Variants in SBK1 observed in about 807,000 individuals in gnomAD.
SBK1 encodes SH3 domain binding kinase 1, also known as serine/threonine-protein kinase SBK1.
In SBK1, 11 loss-of-function variants were observed where a neutral mutation model predicts 24.4. The observed-to-expected ratio is 0.45, with a 90% confidence interval of 0.28 to 0.75. The LOEUF (loss-of-function observed/expected upper bound fraction) is 0.75. Among genes scored for constraint, SBK1 ranks in the 30% least tolerant of loss-of-function variants. The pLI, the probability that SBK1 is intolerant of heterozygous loss-of-function variation, is 0.12. For missense variants in SBK1, 467 were observed against 620.5 expected, an observed-to-expected ratio of 0.75 and a Z score of 2.63; for synonymous variants, 308 against 284.4, an observed-to-expected ratio of 1.08 and a Z score of -0.83.
chr16:28,302,671 G>A (rs965156641), intron 1 of SBK1, among the ~76,000 whole-genome samples: 3 of 152,164 alleles, frequency 2.0e-5, no homozygotes, highest in East Asian at 1.9e-4. Context: ...GATTGTACCC[G>A]GTAGGAATTT....
chr16:28,259,406 C>A lies in SBK1; in HGVS notation c.161C>A (p.Pro54His). Reference sequence around the variant, plus strand: ...GTCCTGGAGCTGCCTCCGGCCTGGCCCATGGGCTGCGGAGTCGATGATGTG... The same window carrying A: ...GTCCTGGAGCTGCCTCCGGCCTGGCACATGGGCTGCGGAGTCGATGATGTG... The change falls in exon 1 of 4, where the codon CCC becomes CAC. Residue 54 changes from proline to histidine, a missense_variant. Coordinates refer to the SBK1 transcript ENST00000671413. The surrounding 1 kb of genome is among the most constrained non-coding windows in gnomAD (Gnocchi z 6.0). 1 of 984,088 alleles carries A rather than the reference C, an allele frequency of 1.0e-6. No individual in the cohort carries two copies. Among genetic ancestry groups the A allele is most frequent in the Non-Finnish European group, 1.2e-6 (1 of 828,700 alleles). The allele number at this position is 984,088 out of a possible 1,614,324, so 61.0% of individuals were successfully genotyped here.
Position 28,319,269 on chromosome 16 carries a change from C to A in SBK1, c.429+72C>A. 1.7e-6 allele frequency: 2 copies of A among 1,177,394 alleles called. No individual in the cohort carries two copies. The highest frequency in any genetic ancestry group is 2.5e-6 in the Non-Finnish European group (2 of 792,970). The allele number at this position is 1,177,394 out of a possible 1,614,324, so 72.9% of individuals were successfully genotyped here. A position where few individuals can be genotyped will look rare whatever the true frequency, so the allele number is the denominator to read the frequency against. On this transcript the variant is annotated intron_variant, in intron 3 of 3. Coordinates refer to ENST00000341901, the MANE Select transcript of SBK1 (RefSeq NM_001024401.3). This position sits in a 1 kb window ranked among gnomAD's most constrained non-coding sequence, Gnocchi z 4.0. The stretch of plus-strand genomic sequence containing the variant: ...CAGAGTGTGAGAGTGGGAGTGGAGT[C>A]AGACCATTTAATTAACAAGTATTTA...
chr16:28,282,891 T>G (rs1474330038), intron 1 of SBK1, among the ~76,000 whole-genome samples: 1 of 150,862 alleles, frequency 6.6e-6, no homozygotes, highest in East Asian at 1.9e-4. Flanking sequence ...GAGACGGTGT[T>G]TAATTACTCT....
intron 1 of SBK1, among the ~76,000 whole-genome samples, chr16:28,263,553 C>T (rs566564508): frequency 6.6e-6 from 1 of 152,264 alleles, no homozygotes; most frequent in South Asian, 2.1e-4. Flanking sequence ...ATGATGGGGA[C>T]AGTGACAAGA....
rs1230385223 is a variant in SBK1, at chr16:28,280,149, A to ATATGTGTGTGTGTGTGTGTG, written c.257+20648_257+20649insATGTGTGTGTGTGTGTGTGT. ...TATATATATATATATATATATATATATGTGTGTGTGTGTGTGTGTGTGTAT... is the reference window on the plus strand; with the variant it reads ...TATATATATATATATATATATATATATATGTGTGTGTGTGTGTGTGTGTGTGTGTGTGTGTGTGTGTGTAT... On this transcript the variant is annotated intron_variant, in intron 1 of 3. Transcript: ENST00000671413. Among the ~76,000 whole-genome samples, 31 of 39,398 alleles carry ATATGTGTGTGTGTGTGTGTG rather than the reference A, an allele frequency of 7.9e-4. 1 individual carries two copies. Among genetic ancestry groups the ATATGTGTGTGTGTGTGTGTG allele is most frequent in the South Asian group, 1.7e-3 (2 of 1,184 alleles). The allele number at this position is 39,398 out of a possible 152,430, so 25.8% of individuals were successfully genotyped here.
In SBK1 at chr16:28,317,640, G is replaced by T; in HGVS notation, c.226+23G>T. 6.5e-7 allele frequency: 1 copy of T among 1,549,194 alleles called. No homozygotes were observed. ...CAGGTGAACAAGTGCAGGGTGGCAG[G>T]GCTGAGAGGTTGGGGTGGGGCAGGG... On this transcript the variant is annotated intron_variant, in intron 2 of 3. Transcript: ENST00000341901. The surrounding 1 kb of genome is among the most constrained non-coding windows in gnomAD (Gnocchi z 4.2).
chr16:28,322,914 C>T lies in SBK1; in HGVS notation c.*1993C>T, dbSNP rs575267578. On this transcript the variant is annotated 3_prime_UTR_variant, in exon 4 of 4. Coordinates refer to ENST00000341901, the MANE Select transcript of SBK1 (RefSeq NM_001024401.3). ...CTTGCCGTGCTCGCTCTCTCTCTCG[C>T]GCGCGCTCTCTCTCTCCCTCTCTCT... 461 of 83,066 alleles carry T rather than the reference C, an allele frequency of 5.5e-3. 8 individuals carry two copies. The highest frequency in any genetic ancestry group is 9.9e-3 in the Non-Finnish European group (375 of 37,904). 5.1% of individuals were successfully genotyped at this position (83,066 alleles called of 1,614,324 possible).
At chr16:28,264,230 TG>T (rs1227769373) in intron 1 of SBK1, among the ~76,000 whole-genome samples, 1 of 152,104 alleles carries the variant, frequency 6.6e-6, no homozygotes. Context: ...ATCTGGGCTT[TG>T]GGGATTGCAG....
At position 28,268,763 on chromosome 16, in the gene SBK1, G is replaced by GA. The variant is rs903932306; in HGVS notation, c.257+9270dup. Among the ~76,000 whole-genome samples, 10 of 149,438 alleles carry GA rather than the reference G, an allele frequency of 6.7e-5. No individual in the cohort carries two copies. The East Asian group carries it at 1.8e-3, about 27-fold the overall frequency. ...GGGTGACAGAGCGAGACTCTGTCTCGAAAAAAAAAGAAAGAAGGAAAAAAG... is the reference window on the plus strand; with the variant it reads ...GGGTGACAGAGCGAGACTCTGTCTCGAAAAAAAAAAGAAAGAAGGAAAAAAG... On this transcript the variant is annotated intron_variant, in intron 1 of 3. Coordinates refer to the SBK1 transcript ENST00000671413.
At position 28,322,957 on chromosome 16, in the gene SBK1, T is replaced by G. The variant is rs986125466; in HGVS notation, c.*2036T>G. ...CTCTCTCTCTCTCTCTCTCTCTCTCTCTCTCTCTCTCTCTCTCTCTCTCCT... is the reference window on the plus strand; with the variant it reads ...CTCTCTCTCTCTCTCTCTCTCTCTCGCTCTCTCTCTCTCTCTCTCTCTCCT... On this transcript the variant is annotated 3_prime_UTR_variant, in exon 4 of 4. Coordinates refer to ENST00000341901, the MANE Select transcript of SBK1 (RefSeq NM_001024401.3). 7.7e-6 allele frequency: 1 copy of G among 130,164 alleles called. No individual in the cohort carries two copies. Among genetic ancestry groups the G allele is most frequent in the African/African-American group, 3.0e-5 (1 of 33,642 alleles). 8.1% of individuals were successfully genotyped at this position (130,164 alleles called of 1,614,324 possible). A position where few individuals can be genotyped will look rare whatever the true frequency, so the allele number is the denominator to read the frequency against.
intron 1 of SBK1, among the ~76,000 whole-genome samples, chr16:28,297,202 A>G (rs2044646869): frequency 1.3e-5 from 2 of 152,116 alleles, no homozygotes; most frequent in South Asian, 4.1e-4. Context: ...GCGGTGGCAT[A>G]TTCCTGTAAT....
At chr16:28,261,587 G>A (rs1006745525) in intron 1 of SBK1, among the ~76,000 whole-genome samples, 8 of 152,202 alleles carry the variant, frequency 5.3e-5, no homozygotes, top group African/African-American at 7.2e-5. Flanking sequence ...CTATGATCAC[G>A]CCCCTGCACT....
chr16:28,284,021 T>C (rs965000203), intron 1 of SBK1, among the ~76,000 whole-genome samples: 1 of 152,236 alleles, frequency 6.6e-6, no homozygotes, highest in Non-Finnish European at 1.5e-5. Context: ...GCAGTAACCC[T>C]GAGCAGCGTG....
At chr16:28,280,129 A>ATGTG (rs1319079209) in intron 1 of SBK1, among the ~76,000 whole-genome samples, 12 of 66,116 alleles carry the variant, frequency 1.8e-4, no homozygotes, top group South Asian at 9.6e-4. Context: ...ATATATATAT[A>ATGTG]TATATATATA....
intron 1 of SBK1, among the ~76,000 whole-genome samples, chr16:28,294,289 C>G (rs1036754353): frequency 6.6e-6 from 1 of 152,196 alleles, no homozygotes; most frequent in African/African-American, 2.4e-5. Flanking sequence ...AGGGGCTGGA[C>G]TGCATGGAAA....
chr16:28,288,115 CAGAA>C (rs1253598887), upstream of SBK1, among the ~76,000 whole-genome samples: 2 of 152,018 alleles, frequency 1.3e-5, no homozygotes, highest in East Asian at 3.9e-4. Context: ...AAAAGAGAGA[CAGAA>C]GGAAGGATGA....
At chr16:28,280,171 G>GTGTGTGTGTA (rs1247488558) in intron 1 of SBK1, among the ~76,000 whole-genome samples, 13 of 109,574 alleles carry the variant, frequency 1.2e-4, no homozygotes, top group Admixed American at 7.2e-4. Context: ...GTGTGTGTGT[G>GTGTGTGTGTA]TATGTATATA....
Position 28,317,664 on chromosome 16 carries a change from G to A in SBK1, c.226+47G>A, listed in dbSNP as rs2141591221. Reference sequence around the variant, plus strand: ...GGGCTGAGAGGTTGGGGTGGGGCAGGGCTGGGAGGTCAGGGTTGGGGGACA... The same window carrying A: ...GGGCTGAGAGGTTGGGGTGGGGCAGAGCTGGGAGGTCAGGGTTGGGGGACA... On this transcript the variant is annotated intron_variant, in intron 2 of 3. Transcript: ENST00000341901. The surrounding 1 kb of genome is among the most constrained non-coding windows in gnomAD (Gnocchi z 4.2). 7.5e-7 allele frequency: 1 copy of A among 1,332,916 alleles called. No individual in the cohort carries two copies. Among genetic ancestry groups the A allele is most frequent in the African/African-American group, 1.4e-5 (1 of 69,458 alleles). The allele number at this position is 1,332,916 out of a possible 1,614,324, so 82.6% of individuals were successfully genotyped here.
chr16:28,284,287 T>G (rs1438310977), intron 1 of SBK1, among the ~76,000 whole-genome samples: 1 of 152,256 alleles, frequency 6.6e-6, no homozygotes, highest in Non-Finnish European at 1.5e-5. Flanking sequence ...ACTTGTTTCC[T>G]GCCAAATGTC....
Sources: gnomAD v4.1 joint callset for allele counts (sites outside exome capture counted in the v4.1 genomes callset) on GRCh38, gnomAD v4.1.1 for gene constraint, Gnocchi (gnomAD v3.1) non-coding constraint, MANE v1.5 for transcripts, NCBI Gene and HGNC (gene_info 2026-07-23, HGNC 2026-07-21) for gene names.